The following PRDM16 variants were observed in gnomAD, a reference collection of about 807,000 sequenced individuals.
PRDM16 encodes PR/SET domain 16.
PRDM16 carries 23 observed loss-of-function variants against 110.6 expected under a neutral mutation model. That is an observed-to-expected ratio of 0.21 (90% CI 0.15 to 0.29). PRDM16 has a LOEUF of 0.29. Ranked by LOEUF, PRDM16 falls within the 10% of genes least tolerant of loss-of-function variation. The pLI is 1.00. For synonymous variants in PRDM16, 799 were observed against 781.8 expected (o/e 1.02, Z -0.37); for missense variants, 1,615 against 1,794.3 (o/e 0.90, Z 1.81).
At chr1:3,196,792 A>C (rs1038138544) in intron 2 of PRDM16, among the ~76,000 whole-genome samples, 2 of 152,104 alleles carry the variant, frequency 1.3e-5, no homozygotes, top group Admixed American at 6.5e-5. Context: ...CCCGCCCTGA[A>C]CTTCCTTCCT....
At chr1:3,266,399 CT>C (rs1460685753) in intron 3 of PRDM16, among the ~76,000 whole-genome samples, 1 of 152,206 alleles carries the variant, frequency 6.6e-6, no homozygotes, top group Non-Finnish European at 1.5e-5. Flanking sequence ...CCGAGAGCCC[CT>C]CGCACTTACC....
intron 3 of PRDM16, among the ~76,000 whole-genome samples, chr1:3,325,967 T>TCCTTGGCCATCCTCGACGATCCTTGGC (rs1557610491): frequency 1.4e-5 from 2 of 138,952 alleles, no homozygotes; most frequent in African/African-American, 5.3e-5. Context: ...CGATCCTTGG[T>TCCTTGGCCATCCTCGACGATCCTTGGC]CCTCCTTGGC....
At chr1:3,133,888 C>T (rs1643383781) in intron 1 of PRDM16, among the ~76,000 whole-genome samples, 1 of 152,214 alleles carries the variant, frequency 6.6e-6, no homozygotes, top group African/African-American at 2.4e-5. Context: ...AATGATCGGC[C>T]TCCAGGAAGT....
chr1:3,225,573 T>TGTGTGCGTGCGC (rs1336272072), intron 2 of PRDM16, among the ~76,000 whole-genome samples: 1 of 129,804 alleles, frequency 7.7e-6, no homozygotes, highest in African/African-American at 2.7e-5. Flanking sequence ...TGTGTGTGTG[T>TGTGTGCGTGCGC]GCGCGCGCGC....
At chr1:3,420,016 T>C (rs574105880) in intron 12 of PRDM16, among the ~76,000 whole-genome samples, 92 of 150,450 alleles carry the variant, frequency 6.1e-4, no homozygotes, top group Non-Finnish European at 1.6e-4. Flanking sequence ...TCCCAGAAAA[T>C]GAGCTGTGTG....
chr1:3,156,846 T>C (rs751262981), intron 1 of PRDM16, among the ~76,000 whole-genome samples: 24 of 152,334 alleles, frequency 1.6e-4, no homozygotes, highest in African/African-American at 5.8e-4. Flanking sequence ...GGCTTCTGTC[T>C]GAGCCTCTGC....
chr1:3,223,963 C>T (rs529672603), intron 2 of PRDM16, among the ~76,000 whole-genome samples: 61 of 152,280 alleles, frequency 4.0e-4, no homozygotes, highest in African/African-American at 1.3e-3. Flanking sequence ...TTAAGATAAA[C>T]GGGTATCACT....
chr1:3,128,416 C>T (rs894817929), intron 1 of PRDM16, among the ~76,000 whole-genome samples: 3 of 152,208 alleles, frequency 2.0e-5, no homozygotes, highest in African/African-American at 7.2e-5. Context: ...CTGATCACGA[C>T]ATCCCATGCA....
At chr1:3,249,327 C>G (rs1276589105) in intron 3 of PRDM16, among the ~76,000 whole-genome samples, 2 of 152,026 alleles carry the variant, frequency 1.3e-5, no homozygotes, top group African/African-American at 4.8e-5. Flanking sequence ...TCGGGCTCAG[C>G]TGGTGGGTAT....
intron 3 of PRDM16, among the ~76,000 whole-genome samples, chr1:3,345,661 A>G (rs1297012945): frequency 6.6e-6 from 1 of 152,200 alleles, no homozygotes; most frequent in Non-Finnish European, 1.5e-5. Flanking sequence ...ACCGGGATGC[A>G]GCAGGACCCC....
chr1:3,414,487 G>A (rs1379255717), intron 9 of PRDM16, 73 bp from the exon 10 acceptor site: 19 of 1,166,336 alleles, frequency 1.6e-5, no homozygotes, highest in South Asian at 2.6e-5. Flanking sequence ...CGGGGTGGGC[G>A]GCTCTGTGGA....
intron 3 of PRDM16, among the ~76,000 whole-genome samples, chr1:3,288,008 G>A (rs1225309460): frequency 1.3e-5 from 2 of 152,254 alleles, no homozygotes; most frequent in African/African-American, 4.8e-5. Flanking sequence ...CTGGGCTCAG[G>A]GGTGGGCGGA....
chr1:3,324,996 C>T (rs955940748), intron 3 of PRDM16, among the ~76,000 whole-genome samples: 1 of 152,168 alleles, frequency 6.6e-6, no homozygotes, highest in Admixed American at 6.5e-5. Flanking sequence ...GCTCTGGTCA[C>T]CTGGTAGCGC....
chr1:3,105,880 CAG>C (rs1376146556), intron 1 of PRDM16, among the ~76,000 whole-genome samples: 2 of 150,526 alleles, frequency 1.3e-5, no homozygotes, highest in African/African-American at 2.5e-5. Flanking sequence ...AGGCCGGCCA[CAG>C]AGAGTCTTCA....
intron 3 of PRDM16, among the ~76,000 whole-genome samples, chr1:3,362,857 G>T (rs989207503): frequency 6.6e-6 from 1 of 152,186 alleles, no homozygotes; most frequent in Admixed American, 6.5e-5. Context: ...GGAGCCAGGA[G>T]CAGCACAGCC....
intron 3 of PRDM16, among the ~76,000 whole-genome samples, chr1:3,355,086 C>T (rs963974652): frequency 1.1e-4 from 16 of 152,234 alleles, no homozygotes; most frequent in Non-Finnish European, 1.6e-4. Context: ...CCTCCCGCAC[C>T]GATACCAGGC....
intron 3 of PRDM16, among the ~76,000 whole-genome samples, chr1:3,366,707 G>A (rs930491233): frequency 2.0e-5 from 3 of 152,274 alleles, no homozygotes; most frequent in East Asian, 1.9e-4. Context: ...AACTGAGGTC[G>A]GAGCAGAAAA....
chr1:3,234,121 C>T (rs1237386863), intron 2 of PRDM16, among the ~76,000 whole-genome samples: 1 of 152,156 alleles, frequency 6.6e-6, no homozygotes, highest in East Asian at 1.9e-4. Flanking sequence ...GTGTTCAGGG[C>T]TTGGGCTCTT....
rs545603234 is a variant in PRDM16 at position 3,123,810 on chromosome 1, C to T, written c.37+54514C>T. 3.3e-5 allele frequency among the ~76,000 whole-genome samples: 5 copies of T among 152,252 alleles called. No individual in the cohort carries two copies. In the East Asian group the frequency reaches 5.8e-4, roughly 18 times the overall value. On this transcript the variant is annotated intron_variant, in intron 1 of 16. Coordinates refer to ENST00000270722, the MANE Select transcript of PRDM16 (RefSeq NM_022114.4). Reference sequence around the variant, plus strand: ...GTGGCGAGACATCAAGTCCGAGCTCCGAGTGGATGAGCTGCGGGGTCTGGG... The same window carrying T: ...GTGGCGAGACATCAAGTCCGAGCTCTGAGTGGATGAGCTGCGGGGTCTGGG...
Sources: allele counts gnomAD v4.1 joint callset (sites outside exome capture counted in the v4.1 genomes callset), GRCh38; gene constraint gnomAD v4.1.1; transcripts MANE v1.5; gene names NCBI Gene and HGNC (gene_info 2026-07-23, HGNC 2026-07-21).